RAPGEF5: variants seen among roughly 807,000 people sequenced by gnomAD.
RAPGEF5 encodes Rap guanine nucleotide exchange factor 5, also known as M-Ras-regulated GEF.
Under a neutral mutation model 125.2 loss-of-function variants are expected in RAPGEF5, and 65 were observed. The observed-to-expected ratio is 0.52, with a 90% CI of 0.43 to 0.64. The LOEUF is 0.64. Ranked by LOEUF, RAPGEF5 falls within the 30% of genes least tolerant of loss-of-function variation. The pLI is 0.00. For synonymous variants in RAPGEF5, 391 were observed against 385.9 expected (o/e 1.01, Z -0.16); for missense variants, 958 against 1,048.1 (o/e 0.91, Z 1.19).
chr7:22,356,743 A>T, intron 1 of RAPGEF5, 87 bp downstream of exon 1: 1 of 703,248 alleles, frequency 1.4e-6, no homozygotes, highest in Non-Finnish European at 1.8e-6. Flanking sequence ...CCCAACTTCC[A>T]GACGCCCCCC....
At chr7:22,329,981 G>A (rs1403066877) in intron 1 of RAPGEF5, among the ~76,000 whole-genome samples, 3 of 152,194 alleles carry the variant, frequency 2.0e-5, no homozygotes, top group South Asian at 2.1e-4. Flanking sequence ...AAACAGAGCT[G>A]TGTCCTGGCT....
chr7:22,171,936 A>G (rs574231566), intron 11 of RAPGEF5, among the ~76,000 whole-genome samples: 4 of 152,358 alleles, frequency 2.6e-5, no homozygotes, highest in Non-Finnish European at 5.9e-5. Flanking sequence ...GAATACAAGA[A>G]ACATCCTTGC....
At chr7:22,310,392 C>T (rs1783441573) in intron 3 of RAPGEF5, among the ~76,000 whole-genome samples, 2 of 152,132 alleles carry the variant, frequency 1.3e-5, no homozygotes, top group Admixed American at 1.3e-4. Context: ...TTCAGGAGAG[C>T]AGGAACTTTA....
intron 1 of RAPGEF5, among the ~76,000 whole-genome samples, chr7:22,331,551 C>T (rs941283419): frequency 2.0e-5 from 3 of 152,054 alleles, no homozygotes; most frequent in Non-Finnish European, 4.4e-5. Flanking sequence ...CGAGACCATC[C>T]TGGCTAACAT....
intron 7 of RAPGEF5, among the ~76,000 whole-genome samples, chr7:22,237,076 T>C (rs1036798100): frequency 4.6e-5 from 7 of 152,192 alleles, no homozygotes; most frequent in African/African-American, 1.7e-4. Context: ...CCAGGTGAAA[T>C]TACTCTTGTC....
chr7:22,156,761 G>A (rs769182189), intron 16 of RAPGEF5, 49 bp downstream of exon 16: 1 of 1,609,264 alleles, frequency 6.2e-7, no homozygotes, highest in Non-Finnish European at 8.5e-7. Context: ...GAGAAAAATG[G>A]TGGCTAACTG....
At chr7:22,291,335 G>T in intron 5 of RAPGEF5, 94 bp from the exon 6 acceptor site, 1 of 1,433,122 alleles carries the variant, frequency 7.0e-7, no homozygotes. Context: ...TAATGTCATT[G>T]TTATTATATT....
intron 11 of RAPGEF5, among the ~76,000 whole-genome samples, chr7:22,189,577 T>C (rs184335211): frequency 6.6e-6 from 1 of 152,274 alleles, no homozygotes; most frequent in Admixed American, 6.5e-5. Flanking sequence ...CCAGTGATGT[T>C]TGCCCAATTT....
chr7:22,190,845 C>G (rs752440701), intron 11 of RAPGEF5, among the ~76,000 whole-genome samples: 3 of 152,184 alleles, frequency 2.0e-5, no homozygotes, highest in Non-Finnish European at 4.4e-5. Context: ...CCTCCAGGAC[C>G]ATTCCTTTTC....
chr7:22,171,024 GTTTT>G (rs574602699), intron 11 of RAPGEF5, among the ~76,000 whole-genome samples: 4 of 143,924 alleles, frequency 2.8e-5, no homozygotes, highest in East Asian at 4.0e-4. Context: ...CAGCATTCAT[GTTTT>G]TTTTTTTTTC....
intron 8 of RAPGEF5, among the ~76,000 whole-genome samples, chr7:22,225,119 A>G (rs1250430965): frequency 1.4e-4 from 22 of 152,072 alleles, no homozygotes; most frequent in Admixed American, 1.4e-3. Context: ...GATCACACCA[A>G]TGCACTCCAG....
At chr7:22,191,201 T>C (rs1307956077) in intron 11 of RAPGEF5, among the ~76,000 whole-genome samples, 1 of 152,198 alleles carries the variant, frequency 6.6e-6, no homozygotes, top group Non-Finnish European at 1.5e-5. Flanking sequence ...TTTCTTCAAT[T>C]TGCACATGAC....
intron 1 of RAPGEF5, among the ~76,000 whole-genome samples, chr7:22,342,016 C>G (rs187990745): frequency 6.6e-6 from 1 of 152,332 alleles, no homozygotes; most frequent in African/African-American, 2.4e-5. Flanking sequence ...ACCCCACATT[C>G]CCCTTCCACA....
chr7:22,187,903 C>G (rs572214050), intron 11 of RAPGEF5, among the ~76,000 whole-genome samples: 1 of 152,350 alleles, frequency 6.6e-6, no homozygotes, highest in Admixed American at 6.5e-5. Context: ...ACCTGGGGAA[C>G]TTTTAAAGAC....
chr7:22,210,432 A>G (rs541652947), intron 9 of RAPGEF5, among the ~76,000 whole-genome samples: 3 of 151,964 alleles, frequency 2.0e-5, no homozygotes, highest in Admixed American at 2.0e-4. Flanking sequence ...CCTCTCTTTG[A>G]TGGTGGAGGG....
chr7:22,131,082 T>C lies in RAPGEF5; in HGVS notation c.2436A>G (p.Glu812=), dbSNP rs1318939736. The C allele has an allele frequency of 6.5e-7, 1 of 1,534,448 alleles. No homozygotes were observed. Among genetic ancestry groups the C allele is most frequent in the Non-Finnish European group, 8.8e-7 (1 of 1,140,772 alleles). Residue 812 remains glutamate (E), a synonymous_variant, in exon 24 of 26, where the codon GAA becomes GAG. Coordinates refer to ENST00000665637, the MANE Select transcript of RAPGEF5 (RefSeq NM_012294.5). ...GATTATCCAAAAAAGTTTTATTTCCTTCATGAATAAATGTTACATCTGAAA... is the reference window on the plus strand; with the variant it reads ...GATTATCCAAAAAAGTTTTATTTCCCTCATGAATAAATGTTACATCTGAAA... ...LLLKDVTFIH[E]GNKTFLDNLV...
At chr7:22,123,904 G>A (rs753370782) in intron 25 of RAPGEF5, among the ~76,000 whole-genome samples, 38 of 152,220 alleles carry the variant, frequency 2.5e-4, no homozygotes, top group Admixed American at 4.6e-4. Flanking sequence ...ACTTTATAAT[G>A]CATAAGTGAC....
chr7:22,293,727 C>G (rs1483962462), intron 5 of RAPGEF5, among the ~76,000 whole-genome samples: 3 of 152,062 alleles, frequency 2.0e-5, no homozygotes, highest in African/African-American at 4.8e-5. Flanking sequence ...TGTCCCTCAC[C>G]TGGTGTAAAG....
chr7:22,141,051 C>T (rs1284067215), intron 20 of RAPGEF5, among the ~76,000 whole-genome samples: 1 of 151,966 alleles, frequency 6.6e-6, no homozygotes, highest in African/African-American at 2.4e-5. Context: ...GACCTCTCCA[C>T]CAATGTCTCA....
Sources: gnomAD v4.1 joint callset for allele counts (sites outside exome capture counted in the v4.1 genomes callset) on GRCh38, gnomAD v4.1.1 for gene constraint, MANE v1.5 for transcripts, NCBI Gene and HGNC (gene_info 2026-07-23, HGNC 2026-07-21) for gene names.